PTCHD4: variants seen among roughly 807,000 people sequenced by gnomAD.
The protein encoded by PTCHD4 is patched domain containing 4, also known as patched domain-containing protein 4.
In PTCHD4, 33 loss-of-function variants were observed where a neutral mutation model predicts 58.1. That is an observed-to-expected ratio of 0.57 (90% confidence interval 0.43 to 0.76). The LOEUF is 0.76. Among genes scored for constraint, PTCHD4 ranks in the 30% least tolerant of loss-of-function variants. The pLI is 0.00. For missense variants in PTCHD4, 1,058 were observed against 1,027.1 expected, an observed-to-expected ratio of 1.03 and a Z score of -0.41; for synonymous variants, 478 against 409.6, an observed-to-expected ratio of 1.17 and a Z score of -2.02.
chr6:47,884,989 C>T (rs935391164), intron 4 of PTCHD4, among the ~76,000 whole-genome samples: 5 of 152,034 alleles, frequency 3.3e-5, no homozygotes, highest in East Asian at 3.9e-4. Flanking sequence ...ACTGCTATAG[C>T]GAGCTGGTAT....
intron 1 of PTCHD4, among the ~76,000 whole-genome samples, chr6:48,070,149 GTGTGTGTATA>G (rs977137598): frequency 2.7e-5 from 4 of 147,494 alleles, no homozygotes; most frequent in South Asian, 2.2e-4. Flanking sequence ...GTGTGTGTGT[GTGTGTGTATA>G]TATATATATG....
In PTCHD4 at chr6:47,867,137, A is replaced by G. The variant is rs1239540402; in HGVS notation, c.*11166T>C. The stretch of plus-strand genomic sequence containing the variant: ...AGGTATTATTTGAATTGTTAATTAA[A>G]ATAATATTAACAGAGATAGTTAATT... On this transcript the variant is annotated 3_prime_UTR_variant, in exon 5 of 5. Transcript: ENST00000339488. Among the ~76,000 whole-genome samples the G allele has an allele frequency of 6.6e-6, 1 of 151,802 alleles. No homozygotes were observed. The highest frequency in any genetic ancestry group is 1.5e-5 in the Non-Finnish European group (1 of 67,866).
rs953077853 is a variant in PTCHD4, at chr6:47,862,104, A to G, written c.*16199T>C. On this transcript the variant is annotated 3_prime_UTR_variant, in exon 5 of 5. Transcript: ENST00000339488. The stretch of plus-strand genomic sequence containing the variant: ...ACATTTGGTAAGAGATATTTGACTT[A>G]CATATTGTGTGTAACTCTGATTGGA... Among the ~76,000 whole-genome samples the G allele has an allele frequency of 6.6e-6, 1 of 151,944 alleles. No homozygotes were observed.
intron 4 of PTCHD4, among the ~76,000 whole-genome samples, chr6:47,917,774 C>T (rs940020454): frequency 2.6e-4 from 40 of 152,110 alleles, no homozygotes; most frequent in African/African-American, 9.6e-4. Flanking sequence ...ATAGACATAC[C>T]TGCAATTTAT....
chr6:48,077,012 A>T (rs747386874), intron 1 of PTCHD4, among the ~76,000 whole-genome samples: 1 of 152,186 alleles, frequency 6.6e-6, no homozygotes, highest in Non-Finnish European at 1.5e-5. Context: ...ATCCACAAGG[A>T]CTCAAATATA....
chr6:48,028,312 G>C (rs191530487), intron 3 of PTCHD4, among the ~76,000 whole-genome samples: 63 of 152,000 alleles, frequency 4.1e-4, no homozygotes, highest in Admixed American at 1.3e-3. Context: ...TTTGGCTAAG[G>C]TTAAAAGTGA....
chr6:47,957,280 T>C (rs894456110), intron 4 of PTCHD4, among the ~76,000 whole-genome samples: 116 of 148,180 alleles, frequency 7.8e-4, no homozygotes, highest in Admixed American at 2.7e-3. Context: ...ATTATATATA[T>C]AGTTTCATTC....
chr6:47,888,124 G>A (rs578071890), intron 4 of PTCHD4, among the ~76,000 whole-genome samples: 57 of 152,288 alleles, frequency 3.7e-4, no homozygotes, highest in African/African-American at 1.3e-3. Context: ...TTGGGAGGCC[G>A]AGGCAGGTGG....
intron 3 of PTCHD4, among the ~76,000 whole-genome samples, chr6:48,023,967 A>G (rs192895529): frequency 1.3e-5 from 2 of 152,298 alleles, no homozygotes; most frequent in Non-Finnish European, 2.9e-5. Flanking sequence ...TGGCTTTAAC[A>G]TTCAGAGAAC....
chr6:48,031,604 G>T (rs138670043), intron 3 of PTCHD4, among the ~76,000 whole-genome samples: 7 of 152,036 alleles, frequency 4.6e-5, no homozygotes, highest in Admixed American at 6.6e-5. Flanking sequence ...TAGAAGCCGT[G>T]GGGGGAATCC....
intron 3 of PTCHD4, among the ~76,000 whole-genome samples, chr6:48,049,333 CAT>C (rs34435427): frequency 0.85 from 128,788 of 151,512 alleles, 54,769 homozygotes; most frequent in Non-Finnish European, 0.87. Flanking sequence ...AGAACTTACA[CAT>C]GTTTCGAGTT....
intron 3 of PTCHD4, among the ~76,000 whole-genome samples, chr6:48,020,218 T>C (rs1355578573): frequency 6.6e-6 from 1 of 152,104 alleles, no homozygotes; most frequent in Non-Finnish European, 1.5e-5. Context: ...TTTCCTTCCT[T>C]ACAGCTTTGT....
chr6:47,865,043 C>T lies in PTCHD4; in HGVS notation c.*13260G>A, dbSNP rs564918778. ...TTCTAAGCATAAATCACCTGAACTG[C>T]TAAATTCCCTGAAATGCAAATAAAT... On this transcript the variant is annotated 3_prime_UTR_variant, in exon 5 of 5. Coordinates refer to ENST00000339488, the MANE Select transcript of PTCHD4 (RefSeq NM_001384253.1). Among the ~76,000 whole-genome samples the T allele has an allele frequency of 1.1e-4, 17 of 151,910 alleles. No homozygotes were observed. Among genetic ancestry groups the T allele is most frequent in the African/African-American group, 3.1e-4 (13 of 41,488 alleles).
intron 1 of PTCHD4, among the ~76,000 whole-genome samples, chr6:48,105,104 A>C (rs1765690974): frequency 6.6e-6 from 1 of 152,174 alleles, no homozygotes; most frequent in African/African-American, 2.4e-5. Context: ...AAGCAGACCT[A>C]ATAGACATCT....
intron 4 of PTCHD4, among the ~76,000 whole-genome samples, chr6:48,004,646 G>T (rs1023380466): frequency 6.6e-6 from 1 of 152,158 alleles, no homozygotes; most frequent in Non-Finnish European, 1.5e-5. Flanking sequence ...GGCCCAGCAC[G>T]GTGGCTCATG....
chr6:47,900,199 A>G (rs1764652356), intron 4 of PTCHD4: 1 of 152,182 alleles, frequency 6.6e-6, no homozygotes, highest in Admixed American at 6.5e-5. Flanking sequence ...ATTTTTAGGA[A>G]CTGTCAGACT....
At chr6:47,919,148 T>G (rs1765351881) in intron 4 of PTCHD4, among the ~76,000 whole-genome samples, 1 of 152,278 alleles carries the variant, frequency 6.6e-6, no homozygotes, top group African/African-American at 2.4e-5. Context: ...AGTACCATTA[T>G]TTTGGGTTCC....
chr6:48,066,461 A>G (rs1391444026), intron 3 of PTCHD4, among the ~76,000 whole-genome samples: 2 of 152,228 alleles, frequency 1.3e-5, no homozygotes, highest in African/African-American at 4.8e-5. Context: ...TGAAGTTTAT[A>G]TATGACAAAG....
intron 4 of PTCHD4, among the ~76,000 whole-genome samples, chr6:47,927,704 A>T (rs996214397): frequency 6.6e-6 from 1 of 152,078 alleles, no homozygotes; most frequent in African/African-American, 2.4e-5. Context: ...TCTATTTTTA[A>T]ATATGAGAAT....
Sources: gnomAD v4.1 joint callset for allele counts (sites outside exome capture counted in the v4.1 genomes callset) on GRCh38, gnomAD v4.1.1 for gene constraint, MANE v1.5 for transcripts, NCBI Gene and HGNC (gene_info 2026-07-23, HGNC 2026-07-21) for gene names.